The following GRXCR1 variants were observed in gnomAD, a reference collection of about 807,000 sequenced individuals.
The protein encoded by GRXCR1 is glutaredoxin and cysteine rich domain containing 1, also known as glutaredoxin domain-containing cysteine-rich protein 1.
Under a neutral mutation model 27.3 loss-of-function variants are expected in GRXCR1, and 27 were observed. The ratio of observed to expected loss-of-function variants is 0.99; its 90% confidence interval spans 0.73 to 1.37. The LOEUF is 1.37. Among genes scored for constraint, GRXCR1 ranks in the 40% most tolerant of loss-of-function variants. GRXCR1 has a pLI of 0.00. For missense variants in GRXCR1, 379 were observed against 354.4 expected (o/e 1.07, Z -0.56); for synonymous variants, 122 against 131.1 (o/e 0.93, Z 0.47).
chr4:42,966,757 C>T (rs1017929802), intron 2 of GRXCR1, among the ~76,000 whole-genome samples: 9 of 152,074 alleles, frequency 5.9e-5, no homozygotes, highest in African/African-American at 2.2e-4. Flanking sequence ...AGAGATATCT[C>T]ATTGTTGCTT....
chr4:42,993,578 T>C (rs542318805), intron 2 of GRXCR1, among the ~76,000 whole-genome samples: 53 of 152,254 alleles, frequency 3.5e-4, no homozygotes, highest in African/African-American at 1.1e-3. Context: ...AATACTTACA[T>C]TGGCCTGCCG....
chr4:42,964,810 C>T (rs1322910588), intron 2 of GRXCR1, among the ~76,000 whole-genome samples: 1 of 152,002 alleles, frequency 6.6e-6, no homozygotes, highest in Non-Finnish European at 1.5e-5. Flanking sequence ...TGCTATATTG[C>T]CTCATCATAT....
At chr4:43,005,144 C>T (rs191179777) in intron 2 of GRXCR1, among the ~76,000 whole-genome samples, 1 of 152,206 alleles carries the variant, frequency 6.6e-6, no homozygotes, top group East Asian at 1.9e-4. Context: ...TTGGCAGTTC[C>T]CCCCTCACTC....
intron 1 of GRXCR1, among the ~76,000 whole-genome samples, chr4:42,940,009 C>A (rs1288193606): frequency 6.6e-6 from 1 of 151,888 alleles, no homozygotes; most frequent in Non-Finnish European, 1.5e-5. Flanking sequence ...TCTGGCAAAG[C>A]CTTTACCCGT....
At chr4:42,952,648 T>A (rs939882850) in intron 1 of GRXCR1, among the ~76,000 whole-genome samples, 1 of 152,208 alleles carries the variant, frequency 6.6e-6, no homozygotes. Flanking sequence ...GAAAATTAAA[T>A]TGGAAAGTCA....
intron 2 of GRXCR1, among the ~76,000 whole-genome samples, chr4:42,999,210 C>G (rs936457964): frequency 1.3e-5 from 2 of 152,200 alleles, no homozygotes; most frequent in Non-Finnish European, 2.9e-5. Context: ...GTGTCCTGCA[C>G]TACAGTCAAC....
intron 2 of GRXCR1, among the ~76,000 whole-genome samples, chr4:42,970,052 T>C (rs2109778805): frequency 6.6e-6 from 1 of 152,162 alleles, no homozygotes; most frequent in Non-Finnish European, 1.5e-5. Context: ...AGCAGGGCAG[T>C]TGTTAAATCT....
At chr4:42,959,759 C>G (rs537807633) in intron 1 of GRXCR1, among the ~76,000 whole-genome samples, 6 of 151,840 alleles carry the variant, frequency 4.0e-5, no homozygotes, top group Non-Finnish European at 8.8e-5. Flanking sequence ...TTCTGCATGT[C>G]CAATCTTTAT....
intron 1 of GRXCR1, among the ~76,000 whole-genome samples, chr4:42,922,691 C>A (rs1270208602): frequency 6.6e-6 from 1 of 152,078 alleles, no homozygotes; most frequent in Non-Finnish European, 1.5e-5. Context: ...CAGTGAGATC[C>A]TGAGGCCTCC....
At chr4:42,991,676 CT>C (rs967200074) in intron 2 of GRXCR1, among the ~76,000 whole-genome samples, 1 of 152,056 alleles carries the variant, frequency 6.6e-6, no homozygotes, top group Non-Finnish European at 1.5e-5. Flanking sequence ...TGTTAGAAGA[CT>C]TTCTCTGTGT....
At chr4:42,962,251 A>C (rs959564126) in intron 1 of GRXCR1, among the ~76,000 whole-genome samples, 3 of 151,436 alleles carry the variant, frequency 2.0e-5, no homozygotes, top group Admixed American at 6.6e-5. Flanking sequence ...TTGACCCACC[A>C]CTCACTTTGG....
chr4:43,005,656 T>C (rs1002731380), intron 2 of GRXCR1, among the ~76,000 whole-genome samples: 5 of 152,168 alleles, frequency 3.3e-5, no homozygotes, highest in Admixed American at 1.3e-4. Flanking sequence ...TACTGAGTTA[T>C]TCTAACACTA....
intron 1 of GRXCR1, among the ~76,000 whole-genome samples, chr4:42,918,499 A>G (rs1346086189): frequency 6.6e-6 from 1 of 151,946 alleles, no homozygotes. Context: ...GTGAACATCC[A>G]CTTCTGCTGA....
chr4:42,902,435 C>T (rs1746481503), intron 1 of GRXCR1, among the ~76,000 whole-genome samples: 1 of 152,178 alleles, frequency 6.6e-6, no homozygotes, highest in Non-Finnish European at 1.5e-5. Flanking sequence ...CCAACTCCAT[C>T]CATGTCCCTG....
intron 2 of GRXCR1, among the ~76,000 whole-genome samples, chr4:43,000,842 T>C (rs1330019937): frequency 6.6e-6 from 1 of 152,166 alleles, no homozygotes; most frequent in Non-Finnish European, 1.5e-5. Flanking sequence ...TGGTGATGAC[T>C]ATATTACCAA....
chr4:42,984,405 C>A (rs1711609257), intron 2 of GRXCR1, among the ~76,000 whole-genome samples: 1 of 152,206 alleles, frequency 6.6e-6, no homozygotes, highest in African/African-American at 2.4e-5. Context: ...TAGCATCAGT[C>A]ACTGGCACTT....
chr4:42,927,755 A>T (rs1447506699), intron 1 of GRXCR1, among the ~76,000 whole-genome samples: 4 of 151,990 alleles, frequency 2.6e-5, no homozygotes. Context: ...TCAAGAACAG[A>T]AAATAGAGTA....
At position 42,958,566 on chromosome 4, in the gene GRXCR1, G is replaced by T. The variant is rs184573939; in HGVS notation, c.385-4326G>T. ...TGCAAGGAAAAATAAACAAGTGGGA[G>T]CACGCAAAACTAAAATGCTTCTGTA... On this transcript the variant is annotated intron_variant, in intron 1 of 3. Coordinates refer to ENST00000399770, the MANE Select transcript of GRXCR1 (RefSeq NM_001080476.3). 1.4e-4 allele frequency among the ~76,000 whole-genome samples: 22 copies of T among 151,998 alleles called. No individual in the cohort carries two copies. The East Asian group carries it at 3.7e-3, about 25-fold the overall frequency.
intron 2 of GRXCR1, among the ~76,000 whole-genome samples, chr4:42,992,974 T>C (rs1289089858): frequency 6.6e-6 from 1 of 151,942 alleles, no homozygotes; most frequent in Non-Finnish European, 1.5e-5. Flanking sequence ...TTCTGAAGGC[T>C]TTTTCCCCCC....
Sources: gnomAD v4.1 joint callset for allele counts (sites outside exome capture counted in the v4.1 genomes callset) on GRCh38, gnomAD v4.1.1 for gene constraint, MANE v1.5 for transcripts, NCBI Gene and HGNC (gene_info 2026-07-23, HGNC 2026-07-21) for gene names.